Variants in AFF3 observed in about 807,000 individuals in gnomAD.
AFF3 encodes ALF transcription elongation factor 3.
AFF3 carries 32 observed loss-of-function variants against 129.7 expected under a neutral mutation model. The observed-to-expected ratio is 0.25, with a 90% CI of 0.19 to 0.33. AFF3 has a LOEUF of 0.33. Ranked by LOEUF, AFF3 falls within the 10% of genes least tolerant of loss-of-function variation. AFF3 has a pLI of 1.00. For synonymous variants in AFF3, 644 were observed against 635.4 expected (o/e 1.01, Z -0.20); for missense variants, 1,373 against 1,592.0 (o/e 0.86, Z 2.34).
At chr2:99,884,341 A>C (rs181877030) in intron 7 of AFF3, among the ~76,000 whole-genome samples, 1 of 152,326 alleles carries the variant, frequency 6.6e-6, no homozygotes, top group East Asian at 1.9e-4. Context: ...AAATCTGCTT[A>C]GCAATTTTGA....
At chr2:99,648,876 A>AACACACACAC (rs1183425993) in intron 13 of AFF3, among the ~76,000 whole-genome samples, 1 of 32,770 alleles carries the variant, frequency 3.1e-5, no homozygotes, top group Non-Finnish European at 6.5e-5. Flanking sequence ...AGTTCCTCAA[A>AACACACACAC]ACACGCGCGC....
chr2:99,906,897 G>A (rs776895477), intron 7 of AFF3, among the ~76,000 whole-genome samples: 1 of 150,258 alleles, frequency 6.7e-6, no homozygotes, highest in African/African-American at 2.5e-5. Context: ...TCCATATATC[G>A]CCTACTGTTT....
chr2:99,878,190 T>A (rs1384912729), intron 7 of AFF3, among the ~76,000 whole-genome samples: 2 of 152,200 alleles, frequency 1.3e-5, no homozygotes, highest in Non-Finnish European at 2.9e-5. Flanking sequence ...ATGGCAATAT[T>A]CTCTAGGTCA....
intron 8 of AFF3, among the ~76,000 whole-genome samples, chr2:99,798,116 G>A (rs1685682255): frequency 6.6e-6 from 1 of 151,952 alleles, no homozygotes; most frequent in East Asian, 1.9e-4. Context: ...ATAGGAAAAA[G>A]GTGGCTGGGG....
intron 8 of AFF3, among the ~76,000 whole-genome samples, chr2:99,773,876 C>T (rs915000759): frequency 6.6e-6 from 1 of 152,220 alleles, no homozygotes; most frequent in African/African-American, 2.4e-5. Context: ...GCAATTTCAG[C>T]AAAGTCTCAG....
chr2:99,857,908 C>A lies in AFF3; in HGVS notation c.874-20384G>T, dbSNP rs575779969. On this transcript the variant is annotated intron_variant, in intron 7 of 24. Coordinates refer to ENST00000672756, the MANE Select transcript of AFF3 (RefSeq NM_001386135.1). ...CTAAAGAAAAATAGCTGGTTTACCACATTATACTGGATTCCTGTTCAGAAA... is the reference window on the plus strand; with the variant it reads ...CTAAAGAAAAATAGCTGGTTTACCAAATTATACTGGATTCCTGTTCAGAAA... Among the ~76,000 whole-genome samples the A allele has an allele frequency of 1.6e-3, 240 of 152,286 alleles. 2 individuals carry two copies. The South Asian group carries it at 0.019, about 12-fold the overall frequency.
At chr2:99,813,703 G>A (rs1253560324) in intron 8 of AFF3, among the ~76,000 whole-genome samples, 1 of 152,226 alleles carries the variant, frequency 6.6e-6, no homozygotes, top group Non-Finnish European at 1.5e-5. Context: ...AGCCTTCTCT[G>A]TATCTAAGAT....
chr2:99,863,695 G>C (rs1213905136), intron 7 of AFF3, among the ~76,000 whole-genome samples: 1 of 152,196 alleles, frequency 6.6e-6, no homozygotes, highest in Non-Finnish European at 1.5e-5. Flanking sequence ...GGTATATCCA[G>C]AAGTTATTGG....
chr2:99,778,151 C>T (rs1018602533), intron 8 of AFF3, among the ~76,000 whole-genome samples: 2 of 152,024 alleles, frequency 1.3e-5, no homozygotes, highest in African/African-American at 4.8e-5. Context: ...GACCCCTGCA[C>T]ATCGCATCCC....
intron 4 of AFF3, among the ~76,000 whole-genome samples, chr2:100,043,812 C>T (rs569317679): frequency 1.3e-5 from 2 of 152,212 alleles, no homozygotes; most frequent in African/African-American, 4.8e-5. Flanking sequence ...AAATAATAAA[C>T]CCAAAGGGTT....
intron 8 of AFF3, among the ~76,000 whole-genome samples, chr2:99,769,073 T>G (rs1683254005): frequency 6.6e-6 from 1 of 152,220 alleles, no homozygotes. Flanking sequence ...TGAATACACT[T>G]TCTCCCTATC....
At chr2:99,739,638 A>C (rs1430197395) in intron 10 of AFF3, among the ~76,000 whole-genome samples, 1 of 151,722 alleles carries the variant, frequency 6.6e-6, no homozygotes, top group Non-Finnish European at 1.5e-5. Flanking sequence ...ATTTGTATTG[A>C]AAGTCATTTT....
chr2:99,869,631 G>T (rs1403479391), intron 7 of AFF3, among the ~76,000 whole-genome samples: 2 of 152,094 alleles, frequency 1.3e-5, no homozygotes, highest in Admixed American at 6.5e-5. Context: ...CCACTATTGT[G>T]CGTCCTTTCA....
chr2:99,708,294 C>T (rs1677588519), intron 11 of AFF3, among the ~76,000 whole-genome samples: 1 of 152,200 alleles, frequency 6.6e-6, no homozygotes, highest in Non-Finnish European at 1.5e-5. Context: ...GAAATTTCCA[C>T]TCCTATCCTC....
At chr2:99,842,053 G>A (rs749869747) in intron 7 of AFF3, among the ~76,000 whole-genome samples, 1 of 152,154 alleles carries the variant, frequency 6.6e-6, no homozygotes, top group Non-Finnish European at 1.5e-5. Context: ...AGGGGAAGTA[G>A]AGAGAAAAAG....
chr2:99,591,863 T>A (rs954222216), intron 15 of AFF3, among the ~76,000 whole-genome samples: 1 of 152,190 alleles, frequency 6.6e-6, no homozygotes, highest in Admixed American at 6.5e-5. Flanking sequence ...TCTCTGAGCC[T>A]CTGTTCCCTC....
chr2:100,038,386 G>A (rs1685151577), intron 4 of AFF3, among the ~76,000 whole-genome samples: 1 of 148,934 alleles, frequency 6.7e-6, no homozygotes, highest in African/African-American at 2.5e-5. Flanking sequence ...AAAAAAAAAA[G>A]GGCTCATTTA....
intron 4 of AFF3, among the ~76,000 whole-genome samples, chr2:100,042,418 T>A (rs1412714006): frequency 6.6e-6 from 1 of 152,134 alleles, no homozygotes; most frequent in East Asian, 1.9e-4. Context: ...TAAGCTCCAA[T>A]AAGAAAGTAG....
At chr2:99,998,239 C>G (rs537984769) in intron 7 of AFF3, among the ~76,000 whole-genome samples, 29 of 152,246 alleles carry the variant, frequency 1.9e-4, no homozygotes, top group African/African-American at 6.0e-4. Context: ...AGGGGCATGA[C>G]CAAAGCTAAG....
Sources: gnomAD v4.1 joint callset for allele counts (sites outside exome capture counted in the v4.1 genomes callset) on GRCh38, gnomAD v4.1.1 for gene constraint, MANE v1.5 for transcripts, NCBI Gene and HGNC (gene_info 2026-07-23, HGNC 2026-07-21) for gene names.